DNASE2B: variants seen among roughly 807,000 people sequenced by gnomAD.
DNASE2B encodes the protein deoxyribonuclease-2-beta.
Under a neutral mutation model 46.0 loss-of-function variants are expected in DNASE2B, and 43 were observed. That is an observed-to-expected ratio of 0.94 (90% CI 0.73 to 1.21). The LOEUF (loss-of-function observed/expected upper bound fraction) is 1.21, where lower values mean the gene tolerates loss of function less well. Among genes scored for constraint, DNASE2B ranks in the 50% most tolerant of loss-of-function variants. DNASE2B has a pLI of 0.00. For missense variants in DNASE2B, 395 were observed against 414.4 expected (o/e 0.95, Z 0.41); for synonymous variants, 156 against 152.5 (o/e 1.02, Z -0.17).
At chr1:84,412,259 T>C (rs1680611642) in intron 4 of DNASE2B, 90 bp from the exon 5 acceptor site, 14 of 1,197,344 alleles carry the variant, frequency 1.2e-5, no homozygotes, top group Non-Finnish European at 1.6e-5. Context: ...TGTTGTTTTG[T>C]TTTTAAATCC....
At chr1:84,408,924 G>A (rs1419920308) in intron 3 of DNASE2B, among the ~76,000 whole-genome samples, 3 of 151,700 alleles carry the variant, frequency 2.0e-5, no homozygotes, top group Admixed American at 2.0e-4. Flanking sequence ...ATGATTTATA[G>A]AGAGTAAAAC....
intron 2 of DNASE2B, among the ~76,000 whole-genome samples, chr1:84,406,072 T>G (rs1043090661): frequency 7.0e-5 from 9 of 129,354 alleles, no homozygotes; most frequent in South Asian, 5.0e-4. Flanking sequence ...CATCTGTGAG[T>G]TTTTTTTTTC....
intron 1 of DNASE2B, among the ~76,000 whole-genome samples, chr1:84,400,354 A>G (rs1680383775): frequency 6.6e-6 from 1 of 152,148 alleles, no homozygotes; most frequent in African/African-American, 2.4e-5. Context: ...AATAACAAGA[A>G]TGAGACTCCG....
chr1:84,414,522 C>A lies in DNASE2B; in HGVS notation c.746-6C>A. ...ACCTCACTATCTTTCTCCTCCTAAA[C>A]CCTAGACATCTTTGCAGCCTGGATG... On this transcript the variant is annotated splice_region_variant and splice_polypyrimidine_tract_variant and intron_variant, in intron 5 of 5. Coordinates refer to ENST00000370665, the MANE Select transcript of DNASE2B (RefSeq NM_021233.3). The A allele has an allele frequency of 6.3e-7, 1 of 1,598,520 alleles. No individual in the cohort carries two copies. The highest frequency in any genetic ancestry group is 1.1e-5 in the South Asian group (1 of 87,764).
chr1:84,408,474 T>C lies in DNASE2B; in HGVS notation c.341T>C (p.Val114Ala). The C allele has an allele frequency of 6.2e-7, 1 of 1,611,178 alleles. No individual in the cohort carries two copies. The highest frequency in any genetic ancestry group is 8.5e-7 in the Non-Finnish European group (1 of 1,178,416). The stretch of plus-strand genomic sequence containing the variant: ...GCCTATCTAATATACAATGATGGAG[T>C]CCCTAAACCTGTGAATTACAGCAGA... ...NTAYLIYNDG[V>A]PKPVNYSRKY... is the part of the protein sequence containing the mutation. Residue 114 changes from valine to alanine, a missense_variant, in exon 3 of 6, where the codon GTC (valine) becomes GCC (alanine). Val to Ala is a moderately conservative substitution (Grantham distance 64, BLOSUM62 0). Coordinates refer to ENST00000370665, the MANE Select transcript of DNASE2B (RefSeq NM_021233.3).
chr1:84,401,283 G>C (rs1368420395), intron 1 of DNASE2B, among the ~76,000 whole-genome samples: 1 of 152,182 alleles, frequency 6.6e-6, no homozygotes, highest in South Asian at 2.1e-4. Flanking sequence ...AATGTGAATA[G>C]AGCACACTGA....
intron 5 of DNASE2B, among the ~76,000 whole-genome samples, chr1:84,414,204 C>CTTGTT (rs1490216531): frequency 6.6e-6 from 1 of 152,178 alleles, no homozygotes; most frequent in African/African-American, 2.4e-5. Flanking sequence ...TCCCTAGAAA[C>CTTGTT]TGGCCCTAAT....
intron 2 of DNASE2B, among the ~76,000 whole-genome samples, chr1:84,408,010 C>T (rs1680519107): frequency 6.6e-6 from 1 of 152,128 alleles, no homozygotes; most frequent in Non-Finnish European, 1.5e-5. Context: ...ATCCTGACAG[C>T]CAGTTCTGCA....
chr1:84,402,088 A>G lies in DNASE2B; in HGVS notation c.303+10A>G, dbSNP rs1361346223. 2 of 1,583,832 alleles carry G rather than the reference A, an allele frequency of 1.3e-6. No homozygotes were observed. The highest frequency in any genetic ancestry group is 1.7e-6 in the Non-Finnish European group (2 of 1,171,184). ...AGCATATGCCTCTAAGGTATGTTAT[A>G]TAGTTAATTGTTCACTTGAATAATA... On this transcript the variant is annotated intron_variant, in intron 2 of 5. Coordinates refer to ENST00000370665, the MANE Select transcript of DNASE2B (RefSeq NM_021233.3).
At chr1:84,408,410 C>A in intron 2 of DNASE2B, 27 bp from the exon 3 acceptor site, 1 of 1,583,090 alleles carries the variant, frequency 6.3e-7, no homozygotes. Context: ...AGATTTACGC[C>A]ATTATAACCC....
Position 84,411,013 on chromosome 1 carries a change from ATG to A in DNASE2B, c.547+17_547+18del, listed in dbSNP as rs1311568882. On this transcript the variant is annotated intron_variant, in intron 4 of 5. Coordinates refer to ENST00000370665, the MANE Select transcript of DNASE2B (RefSeq NM_021233.3). ...ATGAGGCAATAGGTAAAACTAAAGT[ATG>A]TGAGAAAAAAAACGATAACTATGTT... is the stretch of plus-strand genomic sequence containing the variant. The A allele has an allele frequency of 1.3e-6, 2 of 1,553,434 alleles. No individual in the cohort carries two copies. Among genetic ancestry groups the A allele is most frequent in the East Asian group, 4.7e-5 (2 of 42,680 alleles).
intron 5 of DNASE2B, 139 bp downstream of exon 5, chr1:84,412,685 A>G: frequency 1.1e-6 from 1 of 894,692 alleles, no homozygotes; most frequent in East Asian, 2.8e-5. Flanking sequence ...AAGGAAAGTC[A>G]CGGATCAGTT....
intron 3 of DNASE2B, among the ~76,000 whole-genome samples, chr1:84,409,582 G>T (rs1466939178): frequency 1.3e-5 from 2 of 152,154 alleles, no homozygotes; most frequent in African/African-American, 4.8e-5. Flanking sequence ...GCTGACAAAG[G>T]TCATGAACTT....
At chr1:84,405,181 C>A (rs965987760) in intron 2 of DNASE2B, among the ~76,000 whole-genome samples, 1 of 151,886 alleles carries the variant, frequency 6.6e-6, no homozygotes, top group Non-Finnish European at 1.5e-5. Flanking sequence ...GTATTAAATT[C>A]TCCAGCTTTA....
At chr1:84,398,778 T>C (rs1247754170) in intron 1 of DNASE2B, 89 bp downstream of exon 1, 1 of 1,521,426 alleles carries the variant, frequency 6.6e-7, no homozygotes, top group Admixed American at 2.0e-5. Flanking sequence ...AAGGGGAATG[T>C]CCATTCTCTT....
rs1025279495 is a variant in DNASE2B at position 84,398,510 on chromosome 1, T to C, written c.-55T>C. The C allele has an allele frequency of 5.6e-6, 9 of 1,603,724 alleles. No individual in the cohort carries two copies. Among genetic ancestry groups the C allele is most frequent in the African/African-American group, 1.3e-5 (1 of 74,784 alleles). On this transcript the variant is annotated 5_prime_UTR_variant, in exon 1 of 6. Transcript: ENST00000370665. ...GAGCCAGCACAGCCTGAGAGCGCCT[T>C]GAAACTCAGACTCCACAATCTATGG...
intron 3 of DNASE2B, 81 bp from the exon 4 acceptor site, chr1:84,410,757 C>T (rs754243765): frequency 7.2e-7 from 1 of 1,382,596 alleles, no homozygotes; most frequent in Non-Finnish European, 9.8e-7. Flanking sequence ...CATAAATGGG[C>T]TTAAATGTTG....
At chr1:84,400,010 A>T (rs1467834987) in intron 1 of DNASE2B, among the ~76,000 whole-genome samples, 16 of 152,116 alleles carry the variant, frequency 1.1e-4, no homozygotes. Flanking sequence ...AGAAAGAAGG[A>T]CATGCTGAGA....
intron 2 of DNASE2B, among the ~76,000 whole-genome samples, chr1:84,404,926 C>A (rs907777948): frequency 1.1e-4 from 16 of 152,306 alleles, no homozygotes; most frequent in African/African-American, 3.8e-4. Context: ...TGCCTTAAAT[C>A]CTGATGCTTG....
Sources: allele counts gnomAD v4.1 joint callset (sites outside exome capture counted in the v4.1 genomes callset), GRCh38; gene constraint gnomAD v4.1.1; transcripts MANE v1.5; gene names NCBI Gene and HGNC (gene_info 2026-07-23, HGNC 2026-07-21).